Variants in RAB5C observed in about 807,000 individuals in gnomAD.
The protein encoded by RAB5C is RAB5C, member RAS oncogene family.
In RAB5C, 4 loss-of-function variants were observed where a neutral mutation model predicts 25.2. The observed-to-expected ratio is 0.16, with a 90% CI of 0.08 to 0.36. RAB5C has a LOEUF of 0.36. RAB5C is among the 10% of genes least tolerant of loss of function. RAB5C has a pLI of 1.00. For synonymous variants in RAB5C, 100 were observed against 106.4 expected, an observed-to-expected ratio of 0.94 and a Z score of 0.37; for missense variants, 199 against 283.8, an observed-to-expected ratio of 0.70 and a Z score of 2.15.
chr17:42,137,509 T>C (rs1467526524), intron 1 of RAB5C, among the ~76,000 whole-genome samples: 1 of 152,186 alleles, frequency 6.6e-6, no homozygotes, highest in East Asian at 1.9e-4. Context: ...CATGAAAAGT[T>C]AAAGCTTGGA....
At chr17:42,136,793 C>G (rs1383485770) in intron 1 of RAB5C, among the ~76,000 whole-genome samples, 1 of 152,100 alleles carries the variant, frequency 6.6e-6, no homozygotes, top group Non-Finnish European at 1.5e-5. Context: ...TGCCTAGGGT[C>G]ACACAGCCAG....
chr17:42,131,493 AAC>A, intron 1 of RAB5C: 1 of 1,076,190 alleles, frequency 9.3e-7, no homozygotes, highest in Non-Finnish European at 1.4e-6. Flanking sequence ...TACACACCAA[AAC>A]AGACACCAAA....
At position 42,131,020 on chromosome 17, in the gene RAB5C, T is replaced by C. The variant is rs80068457; in HGVS notation, c.-88-430A>G. The stretch of plus-strand genomic sequence containing the variant: ...AAGACACTAGGATTTAGATCAATAA[T>C]GAAGTTCCAGTCTGGTAGCCAGGAC... On this transcript the variant is annotated intron_variant, in intron 1 of 5. Transcript: ENST00000346213. Among the ~76,000 whole-genome samples, 1,518 of 152,238 alleles carry C rather than the reference T, an allele frequency of 1.0e-2. 29 individuals carry two copies. Among genetic ancestry groups the C allele is most frequent in the African/African-American group, 0.035 (1,449 of 41,528 alleles).
chr17:42,148,355 G>A (rs959890249), intron 1 of RAB5C, among the ~76,000 whole-genome samples: 1 of 133,004 alleles, frequency 7.5e-6, no homozygotes, highest in African/African-American at 3.0e-5. Context: ...CAGTGAGCAA[G>A]ATCGTACCAT....
At chr17:42,146,949 G>A (rs551449655) in intron 1 of RAB5C, among the ~76,000 whole-genome samples, 3 of 150,604 alleles carry the variant, frequency 2.0e-5, no homozygotes, top group South Asian at 2.1e-4. Context: ...GCAGTGAGCC[G>A]AGATCGTACC....
intron 1 of RAB5C, among the ~76,000 whole-genome samples, chr17:42,141,211 A>G (rs1233353948): frequency 2.0e-5 from 3 of 152,234 alleles, no homozygotes; most frequent in Non-Finnish European, 2.9e-5. Flanking sequence ...ACAAGATTCA[A>G]TGAGCGAATC....
chr17:42,150,624 G>A (rs1045515591), intron 1 of RAB5C, among the ~76,000 whole-genome samples: 11 of 141,398 alleles, frequency 7.8e-5, no homozygotes, highest in African/African-American at 2.6e-4. Context: ...CTGGGAGGCC[G>A]ATGAGGCGGG....
rs996759964 is a variant in RAB5C at position 42,145,709 on chromosome 17, T to C, written c.-89+9184A>G. Among the ~76,000 whole-genome samples, 3 of 152,200 alleles carry C rather than the reference T, an allele frequency of 2.0e-5. No individual in the cohort carries two copies. In the East Asian group the frequency reaches 5.8e-4, roughly 29 times the overall value. On this transcript the variant is annotated intron_variant, in intron 1 of 5. Coordinates refer to ENST00000346213, the MANE Select transcript of RAB5C (RefSeq NM_004583.4). ...CTGAGGAGAATGGCTTGAGCCGAGA[T>C]TGCACCACTGCACTCCAGCCTGGCT...
intron 1 of RAB5C, chr17:42,131,747 GC>G: frequency 1.3e-6 from 1 of 785,940 alleles, no homozygotes; most frequent in Non-Finnish European, 2.0e-6. Flanking sequence ...GTTAGTGACA[GC>G]TTCAGAGGCT....
At chr17:42,128,875 G>C in intron 2 of RAB5C, 75 bp from the exon 3 acceptor site, 1 of 1,290,876 alleles carries the variant, frequency 7.7e-7, no homozygotes. Flanking sequence ...GTTGCTTCTA[G>C]GCTCTGGCAC....
At chr17:42,153,311 G>A (rs1312163311) in intron 1 of RAB5C, among the ~76,000 whole-genome samples, 1 of 152,100 alleles carries the variant, frequency 6.6e-6, no homozygotes, top group Non-Finnish European at 1.5e-5. Flanking sequence ...CAGCTACTCA[G>A]GAGGCTGAGG....
At chr17:42,149,048 A>G (rs1462952022) in intron 1 of RAB5C, among the ~76,000 whole-genome samples, 2 of 152,216 alleles carry the variant, frequency 1.3e-5, no homozygotes, top group Non-Finnish European at 2.9e-5. Context: ...TTTAATTGGA[A>G]AAGTAATCTC....
chr17:42,131,647 A>C, intron 1 of RAB5C: 3 of 1,530,482 alleles, frequency 2.0e-6, no homozygotes, highest in East Asian at 2.4e-5. Context: ...GGCGATGGAG[A>C]GAAAGAAGAG....
chr17:42,150,365 G>T (rs879475648), intron 1 of RAB5C, among the ~76,000 whole-genome samples: 22 of 145,878 alleles, frequency 1.5e-4, no homozygotes, highest in Admixed American at 8.9e-4. Flanking sequence ...CCAACATAGA[G>T]GAACCCTGTC....
intron 1 of RAB5C, among the ~76,000 whole-genome samples, chr17:42,149,681 T>C (rs2079657734): frequency 6.6e-6 from 1 of 152,188 alleles, no homozygotes. Flanking sequence ...GTTTTAATAT[T>C]AAAACGCTTA....
chr17:42,132,479 G>A (rs2054495538), intron 1 of RAB5C, among the ~76,000 whole-genome samples: 1 of 152,196 alleles, frequency 6.6e-6, no homozygotes, highest in South Asian at 2.1e-4. Flanking sequence ...GCTTCTTAGA[G>A]ATGCCTTCCT....
At chr17:42,151,542 T>A (rs2079671639) in intron 1 of RAB5C, among the ~76,000 whole-genome samples, 2 of 152,044 alleles carry the variant, frequency 1.3e-5, no homozygotes, top group Non-Finnish European at 2.9e-5. Flanking sequence ...TGACAGGAGC[T>A]CCTGGTGGCA....
chr17:42,142,642 AC>A (rs1166043528), intron 1 of RAB5C, among the ~76,000 whole-genome samples: 6 of 152,236 alleles, frequency 3.9e-5, no homozygotes, highest in Admixed American at 2.0e-4. Context: ...AAGGGGACAT[AC>A]ATGGAGCTAT....
intron 1 of RAB5C, among the ~76,000 whole-genome samples, chr17:42,143,868 C>T (rs2079616732): frequency 6.6e-6 from 1 of 152,032 alleles, no homozygotes; most frequent in African/African-American, 2.4e-5. Context: ...TCACTGCAAC[C>T]ACCACCTCCC....
Sources: allele counts gnomAD v4.1 joint callset (sites outside exome capture counted in the v4.1 genomes callset), GRCh38; gene constraint gnomAD v4.1.1; transcripts MANE v1.5; gene names NCBI Gene and HGNC (gene_info 2026-07-23, HGNC 2026-07-21).